MAGI1: variants seen among roughly 807,000 people sequenced by gnomAD.
MAGI1 encodes the protein membrane associated guanylate kinase, WW and PDZ domain containing 1.
In MAGI1, 58 loss-of-function variants were observed where a neutral mutation model predicts 139.9. The ratio of observed to expected loss-of-function variants is 0.41; its 90% CI spans 0.34 to 0.52. MAGI1 has a LOEUF of 0.52. Among genes scored for constraint, MAGI1 ranks in the 20% least tolerant of loss-of-function variants. The pLI is 0.12. For missense variants in MAGI1, 1,874 were observed against 1,901.6 expected (o/e 0.99, Z 0.27); for synonymous variants, 812 against 737.9 (o/e 1.10, Z -1.63).
chr3:65,398,143 C>T (rs987404976), intron 13 of MAGI1, among the ~76,000 whole-genome samples: 4 of 151,818 alleles, frequency 2.6e-5, no homozygotes, highest in Non-Finnish European at 5.9e-5. Context: ...TTAATGGGTT[C>T]TAAATACTAG....
In MAGI1 at chr3:65,440,621, G is replaced by C. The variant is rs73131617; in HGVS notation, c.1137-609C>G. Among the ~76,000 whole-genome samples the C allele has an allele frequency of 4.4e-3, 669 of 152,136 alleles. 3 individuals are homozygous for C. Among genetic ancestry groups the C allele is most frequent in the Middle Eastern group, 0.041 (12 of 294 alleles). On this transcript the variant is annotated intron_variant, in intron 8 of 22. Transcript: ENST00000402939. The stretch of plus-strand genomic sequence containing the variant: ...CATCCAAACAATGAAGTTAAACAAA[G>C]AACTCCACTCACATCTGTTAACTAT...
At chr3:65,413,291 C>A (rs1460629096) in intron 12 of MAGI1, among the ~76,000 whole-genome samples, 1 of 152,120 alleles carries the variant, frequency 6.6e-6, no homozygotes, top group Non-Finnish European at 1.5e-5. Context: ...AGAGGCCATG[C>A]CTGGTACCAT....
intron 12 of MAGI1, among the ~76,000 whole-genome samples, chr3:65,429,155 G>T (rs1419496590): frequency 2.6e-5 from 4 of 151,862 alleles, no homozygotes; most frequent in Non-Finnish European, 4.4e-5. Flanking sequence ...AGAGAATGGG[G>T]TCTCAATATG....
At chr3:65,599,432 T>G (rs192591122) in intron 2 of MAGI1, among the ~76,000 whole-genome samples, 1 of 152,312 alleles carries the variant, frequency 6.6e-6, no homozygotes, top group African/African-American at 2.4e-5. Context: ...AAGGACAGCA[T>G]GTCTAAGGCC....
intron 1 of MAGI1, among the ~76,000 whole-genome samples, chr3:65,846,428 T>C (rs902717774): frequency 1.1e-4 from 17 of 152,222 alleles, no homozygotes; most frequent in Non-Finnish European, 1.8e-4. Context: ...GTGACCTTAG[T>C]AAGTTACTTA....
intron 1 of MAGI1, among the ~76,000 whole-genome samples, chr3:66,024,315 T>TAAAAAAAAAAAAAAAAAAAAA (rs34593257): frequency 2.1e-5 from 2 of 95,778 alleles, no homozygotes; most frequent in Non-Finnish European, 4.0e-5. Flanking sequence ...CAAAGTTCAT[T>TAAAAAAAAAAAAAAAAAAAAA]AAAAAAAAAA....
At position 65,445,269 on chromosome 3, in the gene MAGI1, AT is replaced by A. The variant is rs1948605300; in HGVS notation, c.1079-2421del. On this transcript the variant is annotated intron_variant, in intron 7 of 22. Coordinates refer to ENST00000402939, the MANE Select transcript of MAGI1 (RefSeq NM_001033057.2). ...TCTCTGAACCACATCTTTCTCCTGGATTTACCTCAAAAGTCAATGGTGGATT... is the reference window on the plus strand; with the variant it reads ...TCTCTGAACCACATCTTTCTCCTGGATTACCTCAAAAGTCAATGGTGGATT... Among the ~76,000 whole-genome samples, 5 of 152,108 alleles carry A rather than the reference AT, an allele frequency of 3.3e-5. 1 individual carries two copies. In the South Asian group the frequency reaches 1.0e-3, roughly 32 times the overall value.
intron 1 of MAGI1, among the ~76,000 whole-genome samples, chr3:65,934,547 T>C (rs559680393): frequency 6.6e-6 from 1 of 152,326 alleles, no homozygotes; most frequent in Non-Finnish European, 1.5e-5. Context: ...CATTTGATGT[T>C]AGCAAGTGAT....
chr3:65,804,018 C>G (rs1293542900), intron 1 of MAGI1, among the ~76,000 whole-genome samples: 5 of 152,280 alleles, frequency 3.3e-5, no homozygotes, highest in Admixed American at 3.3e-4. Flanking sequence ...AAGAACCTAG[C>G]ACAAACTGAG....
intron 1 of MAGI1, among the ~76,000 whole-genome samples, chr3:65,888,363 G>A (rs1284108467): frequency 6.6e-6 from 1 of 152,176 alleles, no homozygotes; most frequent in Non-Finnish European, 1.5e-5. Flanking sequence ...GCCAAGGGAA[G>A]TACTGAGCAG....
intron 2 of MAGI1, among the ~76,000 whole-genome samples, chr3:65,590,233 C>A (rs1190168253): frequency 6.6e-6 from 1 of 152,152 alleles, no homozygotes; most frequent in African/African-American, 2.4e-5. Context: ...GGTGGGATGT[C>A]ATTGGCCATG....
At chr3:65,582,994 A>T (rs1407408267) in intron 2 of MAGI1, among the ~76,000 whole-genome samples, 4 of 152,220 alleles carry the variant, frequency 2.6e-5, no homozygotes, top group Non-Finnish European at 5.9e-5. Flanking sequence ...CAAACCAAAC[A>T]AGTGAAATGC....
chr3:65,481,713 A>T (rs1398032591), intron 3 of MAGI1, among the ~76,000 whole-genome samples: 1 of 152,230 alleles, frequency 6.6e-6, no homozygotes, highest in East Asian at 1.9e-4. Context: ...TAAAATTATT[A>T]ATCATTTAAA....
rs534345011 is a variant in MAGI1 at position 65,358,350 on chromosome 3, G to T, written c.3635-1218C>A. Among the ~76,000 whole-genome samples the T allele has an allele frequency of 2.6e-4, 39 of 152,296 alleles. No individual in the cohort carries two copies. The East Asian group carries it at 4.4e-3, about 17-fold the overall frequency. ...AGGGCAGACTTGTATGACAGTCAGA[G>T]ACTAAGGGGTCACTGGGGCTCTTTA... On this transcript the variant is annotated intron_variant, in intron 22 of 22. Coordinates refer to ENST00000402939, the MANE Select transcript of MAGI1 (RefSeq NM_001033057.2).
chr3:65,692,603 T>C lies in MAGI1; in HGVS notation c.314-70515A>G, dbSNP rs534387722. On this transcript the variant is annotated intron_variant, in intron 1 of 22. Transcript: ENST00000402939. ...GATAAGGAGGCTGCTATGGTTTGAA[T>C]GTATCCCAAAAATTCATGTACTGGA... Among the ~76,000 whole-genome samples the C allele has an allele frequency of 1.6e-4, 24 of 152,302 alleles. No individual in the cohort carries two copies. The South Asian group carries it at 3.3e-3, about 21-fold the overall frequency.
intron 1 of MAGI1, among the ~76,000 whole-genome samples, chr3:65,830,341 C>G (rs932373622): frequency 2.0e-5 from 3 of 151,086 alleles, no homozygotes; most frequent in Non-Finnish European, 2.9e-5. Flanking sequence ...AAAAAAAACA[C>G]AGAGAGAGAG....
chr3:65,617,920 T>C (rs574661870), intron 2 of MAGI1, among the ~76,000 whole-genome samples: 1 of 152,132 alleles, frequency 6.6e-6, no homozygotes, highest in Non-Finnish European at 1.5e-5. Flanking sequence ...AGTTAGAATC[T>C]AATTAGGACA....
At chr3:65,876,627 G>A (rs1324333976) in intron 1 of MAGI1, among the ~76,000 whole-genome samples, 1 of 152,084 alleles carries the variant, frequency 6.6e-6, no homozygotes, top group South Asian at 2.1e-4. Context: ...AGAGTTAAAG[G>A]TGGTGCCCTC....
At chr3:66,029,997 G>A (rs1437262454) in intron 1 of MAGI1, among the ~76,000 whole-genome samples, 1 of 152,098 alleles carries the variant, frequency 6.6e-6, no homozygotes, top group Non-Finnish European at 1.5e-5. Flanking sequence ...TTAAAGTCAA[G>A]GACCTCTTCC....
Sources: gnomAD v4.1 joint callset for allele counts (sites outside exome capture counted in the v4.1 genomes callset) on GRCh38, gnomAD v4.1.1 for gene constraint, MANE v1.5 for transcripts, NCBI Gene and HGNC (gene_info 2026-07-23, HGNC 2026-07-21) for gene names.